HECA: variants seen among roughly 807,000 people sequenced by gnomAD.
HECA encodes the protein headcase protein homolog.
A neutral mutation model predicts 37.6 loss-of-function variants in HECA; 13 were observed. The ratio of observed to expected loss-of-function variants is 0.35; its 90% CI spans 0.23 to 0.55. The LOEUF (loss-of-function observed/expected upper bound fraction) is 0.55. Among genes scored for constraint, HECA ranks in the 20% least tolerant of loss-of-function variants. The pLI is 0.90. For synonymous variants in HECA, 307 were observed against 291.5 expected (o/e 1.05, Z -0.54); for missense variants, 527 against 701.9 (o/e 0.75, Z 2.82).
chr6:139,149,154 C>T (rs1433943898), intron 1 of HECA, among the ~76,000 whole-genome samples: 1 of 152,072 alleles, frequency 6.6e-6, no homozygotes, highest in African/African-American at 2.4e-5. Context: ...TCGATTGAAC[C>T]AAGAGTTTAT....
intron 1 of HECA, among the ~76,000 whole-genome samples, chr6:139,148,403 A>T (rs1774610257): frequency 6.6e-6 from 1 of 152,230 alleles, no homozygotes; most frequent in African/African-American, 2.4e-5. Flanking sequence ...ATACCAGTGC[A>T]CAGTAATGCT....
intron 1 of HECA, among the ~76,000 whole-genome samples, chr6:139,139,577 A>G (rs1005918956): frequency 2.8e-4 from 42 of 152,222 alleles, no homozygotes; most frequent in African/African-American, 9.9e-4. Flanking sequence ...GGGCAGAAGC[A>G]GGAGTTGAAC....
rs1775123828 is a variant in HECA, at chr6:139,180,767, T to C, written c.*3662T>C. ...TTTTAGAGGGTTTCTGTTTGTGAAA[T>C]GTATGTATTAAAAATAATAAAATTC... is the stretch of plus-strand genomic sequence containing the variant. On this transcript the variant is annotated 3_prime_UTR_variant, in exon 4 of 4. Transcript: ENST00000367658. 1 of 152,664 alleles carries C rather than the reference T, an allele frequency of 6.6e-6. No individual in the cohort carries two copies. Among genetic ancestry groups the C allele is most frequent in the Non-Finnish European group, 1.5e-5 (1 of 68,040 alleles). The allele number at this position is 152,664 out of a possible 1,614,324, so 9.5% of individuals were successfully genotyped here.
At chr6:139,139,474 C>T (rs2114432402) in intron 1 of HECA, among the ~76,000 whole-genome samples, 1 of 152,336 alleles carries the variant, frequency 6.6e-6, no homozygotes, top group African/African-American at 2.4e-5. Flanking sequence ...GTCTTAGATC[C>T]TGGAAATAGC....
intron 1 of HECA, among the ~76,000 whole-genome samples, chr6:139,141,110 CTTTA>C (rs1283828774): frequency 1.3e-5 from 2 of 152,056 alleles, no homozygotes; most frequent in Admixed American, 1.3e-4. Context: ...TTTTTAAGGG[CTTTA>C]TTTATTTGAA....
At chr6:139,157,755 G>C (rs1182737828) in intron 1 of HECA, among the ~76,000 whole-genome samples, 1 of 152,208 alleles carries the variant, frequency 6.6e-6, no homozygotes. Flanking sequence ...AGCTAAGAAG[G>C]CTGGCACCTC....
intron 1 of HECA, among the ~76,000 whole-genome samples, chr6:139,139,063 T>G (rs567157447): frequency 1.2e-4 from 18 of 152,358 alleles, no homozygotes; most frequent in African/African-American, 4.1e-4. Context: ...GCCTGGATCT[T>G]AAGTACTTTT....
rs540077048 is a variant in HECA, at chr6:139,175,725, G to A, written c.1467+1186G>A. Among the ~76,000 whole-genome samples, 10 of 152,238 alleles carry A rather than the reference G, an allele frequency of 6.6e-5. 2 individuals carry two copies. The South Asian group carries it at 1.4e-3, about 22-fold the overall frequency. On this transcript the variant is annotated intron_variant, in intron 3 of 3. Transcript: ENST00000367658. ...ATTGTGTCACAGCCATGACTGCACC[G>A]TGTGACTCCTGTTCTGGTGTTCTTT...
intron 1 of HECA, 184 bp from the exon 2 acceptor site, chr6:139,166,100 G>GGT: frequency 1.8e-6 from 1 of 552,276 alleles, no homozygotes; most frequent in Non-Finnish European, 3.2e-6. Flanking sequence ...CAGACTGGTT[G>GGT]GTTAAGTAGC....
chr6:139,135,787 C>T (rs907184386), intron 1 of HECA, 120 bp downstream of exon 1: 5 of 293,226 alleles, frequency 1.7e-5, no homozygotes, highest in African/African-American at 4.6e-5. Context: ...GTGCTCACCC[C>T]GCCCCTCCGC....
At position 139,166,812 on chromosome 6, in the gene HECA, G is replaced by A; in HGVS notation, c.800G>A (p.Gly267Asp). 6.2e-7 allele frequency: 1 copy of A among 1,613,590 alleles called. No individual in the cohort carries two copies. The highest frequency in any genetic ancestry group is 8.5e-7 in the Non-Finnish European group (1 of 1,179,940). The part of the protein sequence containing the change: ...AAAYGARSPG[G>D]SPGQSPPTGY... ...GCCTACGGTGCCCGTTCCCCCGGTG[G>A]CTCCCCGGGCCAGTCCCCACCCACG... Residue 267 changes from glycine to aspartate, a missense_variant, in exon 2 of 4, where the codon GGC becomes GAC. This residue lies in a region of HECA where 228 missense variants were observed against 259.8 expected (regional missense o/e 0.88). Coordinates refer to ENST00000367658, the MANE Select transcript of HECA (RefSeq NM_016217.3).
intron 1 of HECA, among the ~76,000 whole-genome samples, chr6:139,163,027 C>T (rs1299077373): frequency 6.6e-6 from 1 of 152,204 alleles, no homozygotes; most frequent in African/African-American, 2.4e-5. Flanking sequence ...TACCTCTGAC[C>T]TGCCCTCCAT....
At chr6:139,145,532 C>T (rs765259930) in intron 1 of HECA, among the ~76,000 whole-genome samples, 9 of 152,058 alleles carry the variant, frequency 5.9e-5, no homozygotes, top group South Asian at 4.1e-4. Flanking sequence ...CATATATACA[C>T]GTAATATAGT....
rs751483212 is a variant in HECA, at chr6:139,180,669, T to C, written c.*3564T>C. The C allele has an allele frequency of 2.6e-5, 4 of 152,630 alleles. No homozygotes were observed. Among genetic ancestry groups the C allele is most frequent in the Admixed American group, 6.5e-5 (1 of 15,280 alleles). The allele number at this position is 152,630 out of a possible 1,614,324, so 9.5% of individuals were successfully genotyped here. ...CAAGATGTCTTGGATTGCACTTTTGTTGAGGAAAGACAGTGTAAATAGTTA... is the reference window on the plus strand; with the variant it reads ...CAAGATGTCTTGGATTGCACTTTTGCTGAGGAAAGACAGTGTAAATAGTTA... On this transcript the variant is annotated 3_prime_UTR_variant, in exon 4 of 4. Transcript: ENST00000367658.
At chr6:139,151,836 A>G (rs987192573) in intron 1 of HECA, among the ~76,000 whole-genome samples, 2 of 152,210 alleles carry the variant, frequency 1.3e-5, no homozygotes, top group African/African-American at 4.8e-5. Flanking sequence ...CAATCTGGTT[A>G]CGCAAAGCTG....
intron 2 of HECA, among the ~76,000 whole-genome samples, chr6:139,172,391 T>C (rs117577213): frequency 0.041 from 6,222 of 152,280 alleles, 136 homozygotes; most frequent in African/African-American, 0.062. Flanking sequence ...CCTTTCTGGA[T>C]TACTACTCCC....
chr6:139,170,832 A>C (rs1476083040), intron 2 of HECA, among the ~76,000 whole-genome samples: 2 of 152,102 alleles, frequency 1.3e-5, no homozygotes, highest in Non-Finnish European at 1.5e-5. Context: ...AGGGGTTTGA[A>C]AGGGGTGGGA....
intron 1 of HECA, among the ~76,000 whole-genome samples, chr6:139,156,751 C>G (rs914561150): frequency 6.6e-6 from 1 of 152,228 alleles, no homozygotes; most frequent in Non-Finnish European, 1.5e-5. Context: ...ATTCCGCATA[C>G]TCTATCCTTA....
In HECA at chr6:139,180,479, A is replaced by C. The variant is rs188222748; in HGVS notation, c.*3374A>C. ...GAGGTTGGGAAGGAAGTGAGGAGAAAGTGTTCTTGTTTAGTGTTTTATTTC... is the reference window on the plus strand; with the variant it reads ...GAGGTTGGGAAGGAAGTGAGGAGAACGTGTTCTTGTTTAGTGTTTTATTTC... On this transcript the variant is annotated 3_prime_UTR_variant, in exon 4 of 4. Transcript: ENST00000367658. 2.2e-4 allele frequency: 34 copies of C among 152,718 alleles called. No homozygotes were observed. Among genetic ancestry groups the C allele is most frequent in the African/African-American group, 7.7e-4 (32 of 41,562 alleles). The allele number at this position is 152,718 out of a possible 1,614,324, so 9.5% of individuals were successfully genotyped here. A position where few individuals can be genotyped will look rare whatever the true frequency, so the allele number is the denominator to read the frequency against.
Sources: allele counts gnomAD v4.1 joint callset (sites outside exome capture counted in the v4.1 genomes callset), GRCh38; gene constraint gnomAD v4.1.1; regional missense constraint gnomAD v4.1.1; transcripts MANE v1.5; gene names NCBI Gene and HGNC (gene_info 2026-07-23, HGNC 2026-07-21).